HAUS7: variants seen among roughly 807,000 people sequenced by gnomAD.
The protein encoded by HAUS7 is HAUS augmin like complex subunit 7.
A neutral mutation model predicts 28.4 loss-of-function variants in HAUS7; 3 were observed. The observed-to-expected ratio is 0.11, with a 90% CI of 0.05 to 0.27. The LOEUF is 0.27. Ranked by LOEUF, HAUS7 falls within the 10% of genes least tolerant of loss-of-function variation. HAUS7 has a pLI of 1.00. For synonymous variants in HAUS7, 165 were observed against 132.1 expected (o/e 1.25, Z -1.71); for missense variants, 284 against 297.3 (o/e 0.96, Z 0.33).
intron 1 of HAUS7, chrX:153,480,553 C>T: frequency 1.3e-6 from 1 of 753,137 alleles, no homozygotes; most frequent in African/African-American, 2.3e-5. Flanking sequence ...AGGCAAGGCC[C>T]CCAGCCCACA....
chrX:153,474,701 AGAGGCG>A (rs1164174388), upstream of HAUS7, among the ~76,000 whole-genome samples: 4 of 41,900 alleles, frequency 9.5e-5, no homozygotes, highest in African/African-American at 2.5e-4. Flanking sequence ...ACGCAACGGG[AGAGGCG>A]GGGGCGGGGG....
At chrX:153,449,989 T>C (rs1211772448) in intron 9 of HAUS7, among the ~76,000 whole-genome samples, 29 of 112,371 alleles carry the variant, frequency 2.6e-4, no homozygotes, top group African/African-American at 9.4e-4. Context: ...CGGAAAGTCC[T>C]TCAGGTCAGA....
chrX:153,466,869 C>T (rs1462069209), intron 2 of HAUS7, among the ~76,000 whole-genome samples: 3 of 112,374 alleles, frequency 2.7e-5, no homozygotes, highest in Non-Finnish European at 5.6e-5. Flanking sequence ...TTTGAGATTT[C>T]GGATTTTCAG....
chrX:153,486,988 C>T (rs191092387), intron 1 of HAUS7: 58 of 315,186 alleles, frequency 1.8e-4, no homozygotes, highest in Non-Finnish European at 1.8e-4. Flanking sequence ...GGCCCAGGGG[C>T]GAAAGGTGGC....
At chrX:153,472,990 A>T (rs1569531407), upstream of HAUS7, among the ~76,000 whole-genome samples, 2 of 111,814 alleles carry the variant, frequency 1.8e-5, no homozygotes, top group Non-Finnish European at 3.8e-5. Context: ...AACACGTTGG[A>T]AAATGAGACT....
At chrX:153,448,231 C>T (rs1188210546) in intron 9 of HAUS7, among the ~76,000 whole-genome samples, 1 of 110,449 alleles carries the variant, frequency 9.1e-6, no homozygotes, top group African/African-American at 3.3e-5. Context: ...AAGATGAGTT[C>T]ATGTCCTTTG....
At chrX:153,472,441 C>T (rs868975263), upstream of HAUS7, among the ~76,000 whole-genome samples, 18 of 90,736 alleles carry the variant, frequency 2.0e-4, no homozygotes, top group East Asian at 1.2e-3. Flanking sequence ...ACCCACCACC[C>T]ACCACCTGCC....
At chrX:153,483,350 G>A (rs927708123) in intron 1 of HAUS7, 12 of 755,211 alleles carry the variant, frequency 1.6e-5, no homozygotes, top group African/African-American at 2.3e-5. Flanking sequence ...GGCGGAGGGC[G>A]CACTGAGCCA....
chrX:153,462,703 G>A (rs371357762), intron 3 of HAUS7, 32 bp from the exon 4 acceptor site: 88 of 1,106,061 alleles, frequency 8.0e-5, no homozygotes, highest in Non-Finnish European at 1.1e-4. Context: ...ATCATGGCAG[G>A]CACCTGCCCA....
rs1217480237 is a variant in HAUS7, at chrX:153,486,693, A to G, written c.-589+8681T>C. On this transcript the variant is annotated intron_variant, in intron 1 of 5. Coordinates refer to the HAUS7 transcript ENST00000370210. ...CTCAGGACTCCAACCTTACCTCCAC[A>G]CACCTGGAGAACAACCTCATTGACC... is the stretch of plus-strand genomic sequence containing the variant. 1.8e-5 allele frequency: 18 copies of G among 979,751 alleles called. No homozygotes were observed. The African/African-American group carries it at 3.2e-4, about 18-fold the overall frequency. The allele number at this position is 979,751 out of a possible 1,213,427, so 80.7% of individuals were successfully genotyped here. A position where few individuals can be genotyped will look rare whatever the true frequency, so the allele number is the denominator to read the frequency against.
chrX:153,450,232 G>T (rs1556980832), intron 9 of HAUS7, among the ~76,000 whole-genome samples: 1 of 112,489 alleles, frequency 8.9e-6, no homozygotes, highest in Non-Finnish European at 1.9e-5. Context: ...TTTCACCCGG[G>T]CTGCCGCCAG....
At chrX:153,474,027 A>G (rs2089545992), upstream of HAUS7, among the ~76,000 whole-genome samples, 1 of 112,322 alleles carries the variant, frequency 8.9e-6, no homozygotes, top group African/African-American at 3.2e-5. Flanking sequence ...ACACGAAAGC[A>G]GGGGTGGGGG....
At chrX:153,487,485 C>A (rs1398864891) in intron 1 of HAUS7, among the ~76,000 whole-genome samples, 4 of 112,160 alleles carry the variant, frequency 3.6e-5, no homozygotes, top group East Asian at 2.8e-4. Context: ...ACCTCCCCCC[C>A]ATTCCTGGCC....
chrX:153,460,376 G>A (rs1300080094), intron 4 of HAUS7, among the ~76,000 whole-genome samples: 3 of 111,685 alleles, frequency 2.7e-5, no homozygotes, highest in Non-Finnish European at 5.6e-5. Context: ...TAAATCGTAC[G>A]CTTTAACGCG....
chrX:153,448,491 T>C (rs7062324), intron 9 of HAUS7, among the ~76,000 whole-genome samples: 10,797 of 109,565 alleles, frequency 0.099, 1,277 homozygotes, highest in African/African-American at 0.33. Flanking sequence ...CATGTATACA[T>C]ATGTAACTAA....
rs2089309235 is a variant in HAUS7, at chrX:153,456,336, C to T, written c.634G>A (p.Glu212Lys). 5 of 1,211,233 alleles carry T rather than the reference C, an allele frequency of 4.1e-6. No homozygotes were observed. Among genetic ancestry groups the T allele is most frequent in the African/African-American group, 1.7e-5 (1 of 57,866 alleles). The part of the protein sequence containing the change: ...WASASAKSEE[E>K]EKLAELARQL... Reference sequence around the variant, plus strand: ...CTGGCAAGCTCCGCCAGCTTCTCCTCCTCCTCGGACTTGGCAGAGGCACTG... The same window carrying T: ...CTGGCAAGCTCCGCCAGCTTCTCCTTCTCCTCGGACTTGGCAGAGGCACTG... Residue 212 changes from glutamate to lysine, a missense_variant, in exon 7 of 10, where the codon GAG (glutamate) becomes AAG (lysine). Physicochemically the swap from Glu to Lys is moderately conservative, Grantham distance 56 (BLOSUM62 1). Coordinates refer to ENST00000370211, the MANE Select transcript of HAUS7 (RefSeq NM_001385482.1).
At chrX:153,482,831 C>T (rs2089609604) in intron 1 of HAUS7, 2 of 656,135 alleles carry the variant, frequency 3.0e-6, no homozygotes, top group Non-Finnish European at 3.6e-6. Flanking sequence ...GGACCGGAAC[C>T]GGCTGCGGGC....
intron 2 of HAUS7, among the ~76,000 whole-genome samples, chrX:153,465,564 CAG>C (rs1289277084): frequency 8.9e-6 from 1 of 112,510 alleles, no homozygotes; most frequent in African/African-American, 3.2e-5. Context: ...CCTGCCGCAA[CAG>C]AGTCTGTGGT....
intron 1 of HAUS7, among the ~76,000 whole-genome samples, chrX:153,490,726 G>T (rs1233609546): frequency 8.9e-6 from 1 of 112,823 alleles, no homozygotes; most frequent in Non-Finnish European, 1.9e-5. Flanking sequence ...ACCTCGATGT[G>T]TGAGTGACAG....
Sources: allele counts gnomAD v4.1 joint callset (sites outside exome capture counted in the v4.1 genomes callset), GRCh38; gene constraint gnomAD v4.1.1; transcripts MANE v1.5; gene names NCBI Gene and HGNC (gene_info 2026-07-23, HGNC 2026-07-21).